Variants in ATF6 observed in about 807,000 individuals in gnomAD.
ATF6 encodes cyclic AMP-dependent transcription factor ATF-6 alpha.
ATF6 carries 53 observed loss-of-function variants against 83.6 expected under a neutral mutation model. The ratio of observed to expected loss-of-function variants is 0.63; its 90% CI spans 0.51 to 0.80. The LOEUF is 0.80. Among genes scored for constraint, ATF6 ranks in the 30% least tolerant of loss-of-function variants. The pLI is 0.00. For missense variants in ATF6, 744 were observed against 797.9 expected, an observed-to-expected ratio of 0.93 and a Z score of 0.81; for synonymous variants, 288 against 285.8, an observed-to-expected ratio of 1.01 and a Z score of -0.08.
intron 14 of ATF6, among the ~76,000 whole-genome samples, chr1:161,882,088 C>T (rs531001110): frequency 2.0e-5 from 3 of 152,236 alleles, no homozygotes; most frequent in African/African-American, 7.2e-5. Flanking sequence ...TTATACCAGA[C>T]TGTTAGTTTT....
At chr1:161,872,284 G>A (rs1204062911) in intron 14 of ATF6, among the ~76,000 whole-genome samples, 2 of 151,652 alleles carry the variant, frequency 1.3e-5, no homozygotes, top group East Asian at 1.9e-4. Context: ...AACCAAGAAA[G>A]TCTGGCTCTA....
chr1:161,910,500 T>C, intron 14 of ATF6, among the ~76,000 whole-genome samples: 1 of 152,228 alleles, frequency 6.6e-6, no homozygotes, highest in East Asian at 1.9e-4. Context: ...GGAGACATTG[T>C]GTTCAGAAGA....
chr1:161,882,709 C>CTT (rs111270591), intron 14 of ATF6, among the ~76,000 whole-genome samples: 2 of 143,322 alleles, frequency 1.4e-5, no homozygotes, highest in Non-Finnish European at 3.1e-5. Flanking sequence ...GTCGATACAG[C>CTT]TTTTTTTTTT....
chr1:161,962,773 G>A lies in ATF6; in HGVS notation c.*4119G>A, dbSNP rs1330223227. On this transcript the variant is annotated 3_prime_UTR_variant, in exon 16 of 16. Transcript: ENST00000367942. ...CCGACTGAGATCTTTTCATACTATT[G>A]GCTATTTCATACCAATTAACCTCTT... 1 of 152,028 alleles carries A rather than the reference G, an allele frequency of 6.6e-6. No homozygotes were observed. Among genetic ancestry groups the A allele is most frequent in the Non-Finnish European group, 1.5e-5 (1 of 68,012 alleles). 9.4% of individuals were successfully genotyped at this position (152,028 alleles called of 1,614,324 possible). A position where few individuals can be genotyped will look rare whatever the true frequency, so the allele number is the denominator to read the frequency against.
intron 14 of ATF6, among the ~76,000 whole-genome samples, chr1:161,904,416 T>A (rs972366560): frequency 1.3e-5 from 2 of 151,900 alleles, no homozygotes; most frequent in Admixed American, 1.3e-4. Flanking sequence ...AGCGAAGCAC[T>A]GTCTCTACTA....
rs71301060 is a variant in ATF6 at position 161,940,559 on chromosome 1, C to CTTTTTTTTT, written c.1805-17878_1805-17870dup. The stretch of plus-strand genomic sequence containing the variant: ...GTCTCAAGTGTCACCTCCTTCAGAT[C>CTTTTTTTTT]TTTTTTTTTTTTTTTTTGAGACAGA... On this transcript the variant is annotated intron_variant, in intron 15 of 15. Transcript: ENST00000367942. Among the ~76,000 whole-genome samples the CTTTTTTTTT allele has an allele frequency of 9.7e-4, 115 of 118,396 alleles. 1 individual carries two copies. The highest frequency in any genetic ancestry group is 1.5e-3 in the Non-Finnish European group (89 of 57,820). 77.7% of individuals were successfully genotyped at this position (118,396 alleles called of 152,430 possible).
chr1:161,927,948 G>A (rs1283194480), intron 15 of ATF6, among the ~76,000 whole-genome samples: 2 of 152,118 alleles, frequency 1.3e-5, no homozygotes, highest in South Asian at 2.1e-4. Context: ...AAAACAAAAT[G>A]CTTTTTAACT....
At chr1:161,830,387 G>T (rs1197754934) in intron 9 of ATF6, among the ~76,000 whole-genome samples, 1 of 152,154 alleles carries the variant, frequency 6.6e-6, no homozygotes, top group Non-Finnish European at 1.5e-5. Flanking sequence ...GTAATTTATA[G>T]ATTCAATGCC....
At chr1:161,887,324 C>T (rs1687446741) in intron 14 of ATF6, among the ~76,000 whole-genome samples, 1 of 152,108 alleles carries the variant, frequency 6.6e-6, no homozygotes. Flanking sequence ...AACTGATCCG[C>T]CTGCCTTGGC....
chr1:161,924,832 A>G (rs1396237055), intron 15 of ATF6, among the ~76,000 whole-genome samples: 1 of 152,172 alleles, frequency 6.6e-6, no homozygotes, highest in African/African-American at 2.4e-5. Context: ...ATATTCCTGT[A>G]CTCATGCCAT....
chr1:161,925,192 T>C (rs1361147395), intron 15 of ATF6, among the ~76,000 whole-genome samples: 1 of 152,202 alleles, frequency 6.6e-6, no homozygotes, highest in Non-Finnish European at 1.5e-5. Flanking sequence ...GGTCATTCTC[T>C]TCTGAATGGG....
At chr1:161,766,520 C>T in intron 1 of ATF6, 78 bp downstream of exon 1, 2 of 1,436,944 alleles carry the variant, frequency 1.4e-6, no homozygotes, top group Non-Finnish European at 1.9e-6. Context: ...TCCGCCCACT[C>T]GTGGTGACAG....
intron 9 of ATF6, among the ~76,000 whole-genome samples, chr1:161,835,982 T>G (rs1294344780): frequency 1.3e-5 from 2 of 152,220 alleles, no homozygotes; most frequent in Non-Finnish European, 2.9e-5. Context: ...GCGCCCTCAC[T>G]AGGTCTGGAA....
chr1:161,772,298 A>G (rs919904051), intron 1 of ATF6, among the ~76,000 whole-genome samples: 1 of 152,192 alleles, frequency 6.6e-6, no homozygotes, highest in African/African-American at 2.4e-5. Context: ...TGCCTGTCCT[A>G]GTATAGCTGA....
chr1:161,786,565 A>G (rs1413303912), intron 4 of ATF6, among the ~76,000 whole-genome samples: 1 of 149,962 alleles, frequency 6.7e-6, no homozygotes. Context: ...TCATATTTTT[A>G]CTCTTTTTTT....
chr1:161,894,702 AT>A (rs59848309), intron 14 of ATF6, among the ~76,000 whole-genome samples: 8,856 of 109,032 alleles, frequency 0.081, 257 homozygotes, highest in African/African-American at 0.13. Context: ...AGCCGGGCTA[AT>A]TTTTTTTTTT....
At chr1:161,830,583 C>T (rs1300358000) in intron 9 of ATF6, among the ~76,000 whole-genome samples, 2 of 152,174 alleles carry the variant, frequency 1.3e-5, no homozygotes, top group African/African-American at 4.8e-5. Context: ...CAGCATGGTA[C>T]TGGTACCAAA....
intron 7 of ATF6, among the ~76,000 whole-genome samples, chr1:161,818,662 A>G (rs1685675245): frequency 6.6e-6 from 1 of 152,252 alleles, no homozygotes; most frequent in Non-Finnish European, 1.5e-5. Flanking sequence ...TCCAAATGGA[A>G]ATAAACAATG....
chr1:161,881,143 T>G (rs1687317554), intron 14 of ATF6, among the ~76,000 whole-genome samples: 2 of 152,164 alleles, frequency 1.3e-5, no homozygotes, highest in South Asian at 2.1e-4. Flanking sequence ...GTGTGTGTGT[T>G]GTTTTGTTTA....
Sources: gnomAD v4.1 joint callset for allele counts (sites outside exome capture counted in the v4.1 genomes callset) on GRCh38, gnomAD v4.1.1 for gene constraint, MANE v1.5 for transcripts, NCBI Gene and HGNC (gene_info 2026-07-23, HGNC 2026-07-21) for gene names.